PTPRD: variants seen among roughly 807,000 people sequenced by gnomAD.
The protein encoded by PTPRD is receptor-type tyrosine-protein phosphatase delta.
In PTPRD, 34 loss-of-function variants were observed where a neutral mutation model predicts 214.5. The ratio of observed to expected loss-of-function variants is 0.16; its 90% CI spans 0.12 to 0.21. PTPRD has a LOEUF of 0.21. Among genes scored for constraint, PTPRD ranks in the 10% least tolerant of loss-of-function variants. The pLI, the probability that PTPRD is intolerant of heterozygous loss-of-function variation, is 1.00. For synonymous variants in PTPRD, 1,128 were observed against 845.7 expected (o/e 1.33, Z -5.79); for missense variants, 2,545 against 2,398.7 (o/e 1.06, Z -1.27).
At chr9:8,318,465 G>C (rs1456738332) in intron 45 of PTPRD, among the ~76,000 whole-genome samples, 2 of 151,812 alleles carry the variant, frequency 1.3e-5, no homozygotes, top group Admixed American at 6.6e-5. Context: ...TTGGACAGTA[G>C]AGCTTGCAGT....
At chr9:8,781,629 A>T (rs1294710395) in intron 11 of PTPRD, among the ~76,000 whole-genome samples, 1 of 146,600 alleles carries the variant, frequency 6.8e-6, no homozygotes, top group East Asian at 2.1e-4. Context: ...CACTATGCTA[A>T]TATTTTGCAA....
chr9:9,788,788 A>T (rs911402798), intron 5 of PTPRD, among the ~76,000 whole-genome samples: 1 of 148,402 alleles, frequency 6.7e-6, no homozygotes, highest in Non-Finnish European at 1.5e-5. Flanking sequence ...TTTAAAGAAT[A>T]TTTTTTTTTT....
chr9:9,827,129 C>T (rs1393295410), intron 5 of PTPRD, among the ~76,000 whole-genome samples: 1 of 152,108 alleles, frequency 6.6e-6, no homozygotes, highest in Non-Finnish European at 1.5e-5. Context: ...CTACCAATGA[C>T]TTTCTTCACA....
At chr9:8,580,455 T>C (rs1304173048) in intron 14 of PTPRD, among the ~76,000 whole-genome samples, 1 of 152,230 alleles carries the variant, frequency 6.6e-6, no homozygotes, top group African/African-American at 2.4e-5. Flanking sequence ...TGGTTTTAAA[T>C]ATATGCTATA....
At chr9:9,333,761 T>A (rs2043302155) in intron 9 of PTPRD, among the ~76,000 whole-genome samples, 1 of 151,686 alleles carries the variant, frequency 6.6e-6, no homozygotes, top group Non-Finnish European at 1.5e-5. Flanking sequence ...GAGGTCAAAA[T>A]TTAAAATTAG....
chr9:10,204,019 A>G (rs1176139464), intron 3 of PTPRD, among the ~76,000 whole-genome samples: 2 of 152,240 alleles, frequency 1.3e-5, no homozygotes, highest in Non-Finnish European at 2.9e-5. Flanking sequence ...CCACTCCCCA[A>G]TAGTGAAAAA....
chr9:10,308,530 GCT>G (rs376618668), intron 3 of PTPRD, among the ~76,000 whole-genome samples: 7,149 of 151,976 alleles, frequency 0.047, 214 homozygotes, highest in African/African-American at 0.084. Flanking sequence ...GTTCAAGATT[GCT>G]TTGGCTATTT....
At chr9:9,138,913 T>C (rs931123724) in intron 10 of PTPRD, among the ~76,000 whole-genome samples, 1 of 152,174 alleles carries the variant, frequency 6.6e-6, no homozygotes, top group Non-Finnish European at 1.5e-5. Flanking sequence ...ATTTGGTTAT[T>C]ATAACTACCC....
intron 33 of PTPRD, among the ~76,000 whole-genome samples, chr9:8,457,609 G>A (rs2096253645): frequency 6.6e-6 from 1 of 151,810 alleles, no homozygotes. Flanking sequence ...CAGACAGCTG[G>A]GTAAAATATA....
intron 3 of PTPRD, among the ~76,000 whole-genome samples, chr9:10,072,664 T>C (rs2098048976): frequency 6.6e-6 from 1 of 152,088 alleles, no homozygotes; most frequent in African/African-American, 2.4e-5. Context: ...GGATCGTGCT[T>C]ATTGTTGCAT....
intron 11 of PTPRD, among the ~76,000 whole-genome samples, chr9:8,970,463 C>G (rs889062897): frequency 6.6e-6 from 1 of 151,726 alleles, no homozygotes; most frequent in African/African-American, 2.4e-5. Context: ...AAAAGTCAAC[C>G]ATCTAAAACT....
chr9:8,386,126 C>T (rs1280004361), intron 37 of PTPRD, among the ~76,000 whole-genome samples: 1 of 152,170 alleles, frequency 6.6e-6, no homozygotes, highest in Non-Finnish European at 1.5e-5. Context: ...CCACAATAAC[C>T]CTTCCGCATA....
chr9:9,691,722 A>G (rs572108003), intron 7 of PTPRD, among the ~76,000 whole-genome samples: 3 of 152,048 alleles, frequency 2.0e-5, no homozygotes, highest in Non-Finnish European at 4.4e-5. Context: ...TAGTAGTTGT[A>G]CTAATTTACA....
At chr9:10,154,708 A>T (rs1218629855) in intron 3 of PTPRD, among the ~76,000 whole-genome samples, 1 of 152,032 alleles carries the variant, frequency 6.6e-6, no homozygotes. Context: ...TTGAATAGGG[A>T]TCCCTTTCCC....
chr9:10,277,518 ACATATGATCTAAGTTTAAGATAAG>A (rs1485639528), intron 3 of PTPRD, among the ~76,000 whole-genome samples: 2 of 152,204 alleles, frequency 1.3e-5, no homozygotes, highest in Non-Finnish European at 2.9e-5. Context: ...ATAGAGCCTA[ACATATGATCTAAGTTTAAGATAAG>A]CATATAAACT....
At chr9:9,443,591 CTGACTACT>C (rs2089179267) in intron 8 of PTPRD, among the ~76,000 whole-genome samples, 1 of 152,198 alleles carries the variant, frequency 6.6e-6, no homozygotes, top group Non-Finnish European at 1.5e-5. Flanking sequence ...CGTAAGAAGT[CTGACTACT>C]TGTCAGAAAG....
At chr9:8,340,244 C>CA (rs925888742) in intron 42 of PTPRD, 99 bp downstream of exon 42, 127 of 1,374,834 alleles carry the variant, frequency 9.2e-5, no homozygotes, top group Middle Eastern at 3.9e-4. Flanking sequence ...CACTGCATTT[C>CA]AAAAAAAATG....
chr9:9,831,168 C>A (rs1335465261), intron 5 of PTPRD, among the ~76,000 whole-genome samples: 1 of 151,890 alleles, frequency 6.6e-6, no homozygotes, highest in Non-Finnish European at 1.5e-5. Context: ...TTAATGACAG[C>A]ATGGTTGAGT....
intron 3 of PTPRD, among the ~76,000 whole-genome samples, chr9:10,136,691 T>C (rs942049199): frequency 1.1e-5 from 1 of 91,106 alleles, no homozygotes; most frequent in Admixed American, 1.3e-4. Flanking sequence ...AAAGACAAAA[T>C]TGACAAATGG....
Sources: allele counts gnomAD v4.1 joint callset (sites outside exome capture counted in the v4.1 genomes callset), GRCh38; gene constraint gnomAD v4.1.1; transcripts MANE v1.5; gene names NCBI Gene and HGNC (gene_info 2026-07-23, HGNC 2026-07-21).